ZNF536: variants seen among roughly 807,000 people sequenced by gnomAD.
ZNF536 encodes the protein zinc finger protein 536.
ZNF536 carries 13 observed loss-of-function variants against 84.5 expected under a neutral mutation model. That is an observed-to-expected ratio of 0.15 (90% CI 0.10 to 0.24). The LOEUF (loss-of-function observed/expected upper bound fraction) is 0.24. ZNF536 is among the 10% of genes least tolerant of loss of function. The probability of loss-of-function intolerance (pLI) is 1.00; values close to 1 mark genes in which losing one functional copy is unlikely to be tolerated. For synonymous variants in ZNF536, 811 were observed against 742.5 expected (o/e 1.09, Z -1.50); for missense variants, 1,536 against 1,747.5 (o/e 0.88, Z 2.16).
intron 1 of ZNF536, among the ~76,000 whole-genome samples, chr19:30,435,799 G>T (rs2051720147): frequency 6.6e-6 from 1 of 152,136 alleles, no homozygotes; most frequent in Non-Finnish European, 1.5e-5. Context: ...GATGACAGGA[G>T]AACCCCTTTG....
chr19:30,445,422 G>T lies in ZNF536; in HGVS notation c.1860G>T (p.Leu620=), dbSNP rs1207199096. 1.9e-6 allele frequency: 3 copies of T among 1,614,156 alleles called. No individual in the cohort carries two copies. Among genetic ancestry groups the T allele is most frequent in the Non-Finnish European group, 1.7e-6 (2 of 1,180,030 alleles). Residue 620 remains leucine (L), a synonymous_variant, in exon 2 of 5, where the codon CTG becomes CTT. Coordinates refer to ENST00000355537, the MANE Select transcript of ZNF536 (RefSeq NM_014717.3). The surrounding 1 kb of genome is among the most constrained non-coding windows in gnomAD (Gnocchi z 4.5). ...TGAACCAGACTCTCGAGTATAACCT[G>T]CAGGGTCCTGGGAACATGAAGGAGA... ...HGLNQTLEYN[L]QGPGNMKEKP... is the part of the protein sequence containing the mutation.
At chr19:30,611,175 T>C (rs1443324960) in intron 1 of ZNF536, among the ~76,000 whole-genome samples, 1 of 152,172 alleles carries the variant, frequency 6.6e-6, no homozygotes, top group African/African-American at 2.4e-5. Flanking sequence ...AAGTGACCTG[T>C]TCATTTGACA....
In ZNF536 at chr19:30,404,920, A is replaced by G. The variant is rs117967771; in HGVS notation, c.-3+32364A>G. Among the ~76,000 whole-genome samples the G allele has an allele frequency of 4.8e-3, 738 of 152,322 alleles. 5 individuals are homozygous for G. Among genetic ancestry groups the G allele is most frequent in the South Asian group, 0.03 (147 of 4,826 alleles). ...CAACAGGCTTCACGTTGGGGTTCCC[A>G]TGACCCCCTCTTTGGGTCCTATTAA... On this transcript the variant is annotated intron_variant, in intron 1 of 4. Coordinates refer to ENST00000355537, the MANE Select transcript of ZNF536 (RefSeq NM_014717.3).
intron 1 of ZNF536, among the ~76,000 whole-genome samples, chr19:30,678,754 C>T (rs1265814939): frequency 8.4e-6 from 1 of 118,918 alleles, no homozygotes; most frequent in African/African-American, 3.1e-5. Context: ...CACACCTATA[C>T]CCTTACTGTT....
chr19:30,543,984 A>T (rs1462554316), intron 3 of ZNF536, among the ~76,000 whole-genome samples: 1 of 152,100 alleles, frequency 6.6e-6, no homozygotes, highest in Non-Finnish European at 1.5e-5. Context: ...CCCTTGTTGG[A>T]TAGGAAGCCC....
At chr19:30,711,381 G>T (rs190446335) in exon 2 of ZNF536, 2 of 152,286 alleles carry the variant, frequency 1.3e-5, no homozygotes, top group African/African-American at 4.8e-5. Flanking sequence ...TTAGTGTTGC[G>T]TTGAAGATGG....
At chr19:30,585,716 C>T (rs1326955519) in intron 1 of ZNF536, among the ~76,000 whole-genome samples, 1 of 152,192 alleles carries the variant, frequency 6.6e-6, no homozygotes. Context: ...TTTCTCATCT[C>T]CAACTCTGCA....
chr19:30,556,945 C>T (rs2045986613), intron 4 of ZNF536: 5 of 543,180 alleles, frequency 9.2e-6, no homozygotes, highest in South Asian at 9.1e-5. Context: ...TAGTGCTGAT[C>T]AACAGCACCT....
chr19:30,375,671 G>A (rs146743734), intron 1 of ZNF536, among the ~76,000 whole-genome samples: 17 of 152,364 alleles, frequency 1.1e-4, no homozygotes, highest in African/African-American at 3.4e-4. Flanking sequence ...CGTGTGCCTG[G>A]AGATGGGCGA....
chr19:30,602,680 C>T (rs1024973084), intron 1 of ZNF536, among the ~76,000 whole-genome samples: 1 of 152,080 alleles, frequency 6.6e-6, no homozygotes, highest in Non-Finnish European at 1.5e-5. Context: ...CCGAGAAGTT[C>T]CAGGGTTCAA....
intron 1 of ZNF536, among the ~76,000 whole-genome samples, chr19:30,588,408 C>T (rs889871842): frequency 6.6e-6 from 1 of 152,094 alleles, no homozygotes; most frequent in African/African-American, 2.4e-5. Flanking sequence ...CCCAGTTGAC[C>T]CCTTTGAGGA....
At chr19:30,526,914 T>C (rs941356784) in intron 2 of ZNF536, among the ~76,000 whole-genome samples, 2 of 151,960 alleles carry the variant, frequency 1.3e-5, no homozygotes, top group Non-Finnish European at 2.9e-5. Context: ...TAGTGTCTTA[T>C]ATTTCTCCCT....
At chr19:30,616,113 T>C (rs987656291) in intron 1 of ZNF536, among the ~76,000 whole-genome samples, 1 of 152,234 alleles carries the variant, frequency 6.6e-6, no homozygotes, top group African/African-American at 2.4e-5. Flanking sequence ...TATGGAGTCA[T>C]ATCTTTTTGC....
intron 1 of ZNF536, among the ~76,000 whole-genome samples, chr19:30,373,552 T>C (rs192047087): frequency 2.0e-5 from 3 of 152,244 alleles, no homozygotes; most frequent in Non-Finnish European, 4.4e-5. Flanking sequence ...TAAAAGTATA[T>C]AATTAATAGG....
Position 30,396,923 on chromosome 19 carries a change from A to G in ZNF536, c.-3+24367A>G, listed in dbSNP as rs145569016. 3.8e-3 allele frequency among the ~76,000 whole-genome samples: 586 copies of G among 152,234 alleles called. 6 individuals are homozygous for G. Among genetic ancestry groups the G allele is most frequent in the African/African-American group, 0.013 (543 of 41,558 alleles). On this transcript the variant is annotated intron_variant, in intron 1 of 4. Transcript: ENST00000355537. ...CCCAGCCAAGCAGGCTCTCTTTTAA[A>G]GGGCTTCCTGACCTCAGGCCAGCTA...
chr19:30,508,173 T>A (rs1482529638), intron 2 of ZNF536, among the ~76,000 whole-genome samples: 7 of 152,108 alleles, frequency 4.6e-5, no homozygotes, highest in Non-Finnish European at 8.8e-5. Flanking sequence ...ACTAGAGCCT[T>A]TTACCATTCA....
chr19:30,234,789 C>G (rs2023361835), intron 1 of ZNF536, among the ~76,000 whole-genome samples: 1 of 151,968 alleles, frequency 6.6e-6, no homozygotes, highest in Non-Finnish European at 1.5e-5. Context: ...ACACGCACCC[C>G]ACACCACGAA....
At chr19:30,297,903 T>TTC (rs550479142) in intron 2 of ZNF536, among the ~76,000 whole-genome samples, 1 of 126,374 alleles carries the variant, frequency 7.9e-6, no homozygotes, top group African/African-American at 3.1e-5. Flanking sequence ...CAAGACGGAG[T>TTC]CCCCCCCCCC....
chr19:30,537,967 C>T (rs2045160520), intron 3 of ZNF536, among the ~76,000 whole-genome samples: 1 of 152,182 alleles, frequency 6.6e-6, no homozygotes, highest in South Asian at 2.1e-4. Flanking sequence ...CTGGAAAATG[C>T]TTACACTTGT....
Sources: allele counts gnomAD v4.1 joint callset (sites outside exome capture counted in the v4.1 genomes callset), GRCh38; gene constraint gnomAD v4.1.1; non-coding constraint Gnocchi (gnomAD v3.1); transcripts MANE v1.5; gene names NCBI Gene and HGNC (gene_info 2026-07-23, HGNC 2026-07-21).